The following BANK1 variants were observed in gnomAD, a reference collection of about 807,000 sequenced individuals.
The protein encoded by BANK1 is B cell scaffold protein with ankyrin repeats 1.
In BANK1, 95 loss-of-function variants were observed where a neutral mutation model predicts 94.5. The observed-to-expected ratio is 1.00, with a 90% CI of 0.85 to 1.19. The LOEUF (loss-of-function observed/expected upper bound fraction) is 1.19. Among genes scored for constraint, BANK1 ranks in the 50% most tolerant of loss-of-function variants. BANK1 has a pLI of 0.00. For missense variants in BANK1, 987 were observed against 932.2 expected, an observed-to-expected ratio of 1.06 and a Z score of -0.77; for synonymous variants, 334 against 308.4, an observed-to-expected ratio of 1.08 and a Z score of -0.87.
chr4:102,008,952 T>C (rs1726395539), intron 7 of BANK1, among the ~76,000 whole-genome samples: 2 of 152,352 alleles, frequency 1.3e-5, no homozygotes, highest in Non-Finnish European at 2.9e-5. Context: ...CCTGAAGTCA[T>C]GTTTCCTGAA....
intron 2 of BANK1, among the ~76,000 whole-genome samples, chr4:101,848,247 C>T (rs981295208): frequency 2.0e-5 from 3 of 152,032 alleles, no homozygotes; most frequent in Non-Finnish European, 4.4e-5. Context: ...CCGCTTCCTC[C>T]AGAGGGTCTG....
intron 12 of BANK1, 96 bp downstream of exon 12, chr4:102,060,485 C>T: frequency 7.5e-6 from 10 of 1,339,000 alleles, no homozygotes. Flanking sequence ...GGTAACTGTT[C>T]TTTCATTTTT....
At chr4:101,888,130 G>A (rs1728922483) in intron 5 of BANK1, among the ~76,000 whole-genome samples, 1 of 152,100 alleles carries the variant, frequency 6.6e-6, no homozygotes, top group Non-Finnish European at 1.5e-5. Context: ...ACTTAAACAA[G>A]CACAGCAATT....
intron 10 of BANK1, among the ~76,000 whole-genome samples, chr4:102,037,641 CG>C (rs1273824649): frequency 1.3e-5 from 2 of 152,162 alleles, no homozygotes; most frequent in Non-Finnish European, 2.9e-5. Flanking sequence ...CCAGATGGAA[CG>C]GAATTTTACT....
At chr4:101,981,985 C>G (rs1488852959) in intron 7 of BANK1, 2 of 152,170 alleles carry the variant, frequency 1.3e-5, no homozygotes, top group Non-Finnish European at 2.9e-5. Context: ...TGTGGTTCTG[C>G]TCCCACTCAG....
chr4:102,050,377 T>C (rs1728006548), intron 11 of BANK1, among the ~76,000 whole-genome samples: 1 of 152,152 alleles, frequency 6.6e-6, no homozygotes, highest in South Asian at 2.1e-4. Context: ...CTTCCAACTC[T>C]AGATGAGCAT....
At chr4:102,039,192 G>C (rs1055132207) in intron 10 of BANK1, among the ~76,000 whole-genome samples, 4 of 152,100 alleles carry the variant, frequency 2.6e-5, no homozygotes, top group Admixed American at 6.6e-5. Context: ...GGCTGATGTG[G>C]CTGTCTGTGT....
chr4:102,027,110 G>A (rs1727131088), intron 9 of BANK1, among the ~76,000 whole-genome samples: 1 of 152,070 alleles, frequency 6.6e-6, no homozygotes, highest in African/African-American at 2.4e-5. Context: ...TCATAAGTTA[G>A]TAGTACACTG....
chr4:102,004,535 G>A (rs778088260), intron 7 of BANK1, among the ~76,000 whole-genome samples: 28 of 152,104 alleles, frequency 1.8e-4, no homozygotes, highest in Non-Finnish European at 3.2e-4. Flanking sequence ...GAGAATTTTT[G>A]GATGGCAGCT....
chr4:101,930,062 A>G (rs979228605), intron 7 of BANK1, among the ~76,000 whole-genome samples: 1 of 151,332 alleles, frequency 6.6e-6, no homozygotes, highest in Admixed American at 6.6e-5. Flanking sequence ...TTCCTTTATT[A>G]GACTATAAAT....
At chr4:101,854,887 A>T (rs554739252) in intron 2 of BANK1, 148 bp from the exon 3 acceptor site, 79 of 552,534 alleles carry the variant, frequency 1.4e-4, no homozygotes, top group African/African-American at 1.4e-3. Flanking sequence ...TTTAATTATT[A>T]ACATTGGTTC....
chr4:101,937,581 C>T (rs959854167), intron 7 of BANK1, among the ~76,000 whole-genome samples: 4 of 151,792 alleles, frequency 2.6e-5, no homozygotes, highest in Non-Finnish European at 4.4e-5. Flanking sequence ...ATTAAAAAGT[C>T]AGGAAACAAC....
intron 2 of BANK1, among the ~76,000 whole-genome samples, chr4:101,846,799 A>G (rs574244367): frequency 9.2e-5 from 14 of 152,278 alleles, no homozygotes; most frequent in African/African-American, 3.4e-4. Flanking sequence ...GGGGATTACA[A>G]TTCGAGATGA....
chr4:102,059,941 A>C (rs1337264922), intron 11 of BANK1, among the ~76,000 whole-genome samples: 1 of 152,208 alleles, frequency 6.6e-6, no homozygotes, highest in East Asian at 1.9e-4. Flanking sequence ...CACTGCCATC[A>C]ACTAGCGAAG....
chr4:101,906,155 A>C (rs1722440269), intron 6 of BANK1, among the ~76,000 whole-genome samples: 1 of 152,230 alleles, frequency 6.6e-6, no homozygotes. Context: ...AGAACAGAGC[A>C]GGAGTAAGAC....
intron 1 of BANK1, among the ~76,000 whole-genome samples, chr4:101,822,655 G>C (rs1411930710): frequency 1.4e-5 from 2 of 144,698 alleles, no homozygotes; most frequent in Non-Finnish European, 3.0e-5. Flanking sequence ...TCGCTCTGTT[G>C]CCCAGGCTGG....
At chr4:102,053,666 A>G (rs1336884890) in intron 11 of BANK1, among the ~76,000 whole-genome samples, 3 of 151,894 alleles carry the variant, frequency 2.0e-5, no homozygotes, top group Admixed American at 6.6e-5. Flanking sequence ...TAAAAAGCTT[A>G]AAAAGAAATT....
At chr4:101,867,734 T>C (rs565118962) in intron 4 of BANK1, among the ~76,000 whole-genome samples, 11 of 150,300 alleles carry the variant, frequency 7.3e-5, no homozygotes, top group African/African-American at 2.7e-4. Flanking sequence ...ACATGTACCC[T>C]AAAACTTAAA....
intron 16 of BANK1, 101 bp downstream of exon 16, chr4:102,073,849 C>A: frequency 1.2e-6 from 1 of 861,032 alleles, no homozygotes; most frequent in Non-Finnish European, 1.8e-6. Context: ...TTAAAGATTT[C>A]ATTGTCTTCT....
Sources: gnomAD v4.1 joint callset for allele counts (sites outside exome capture counted in the v4.1 genomes callset) on GRCh38, gnomAD v4.1.1 for gene constraint, MANE v1.5 for transcripts, NCBI Gene and HGNC (gene_info 2026-07-23, HGNC 2026-07-21) for gene names.